The following TAMM41 variants were observed in gnomAD, a reference collection of about 807,000 sequenced individuals.
TAMM41 encodes the protein phosphatidate cytidylyltransferase, mitochondrial.
TAMM41 carries 36 observed loss-of-function variants against 44.1 expected under a neutral mutation model. That is an observed-to-expected ratio of 0.82 (90% CI 0.63 to 1.08). The LOEUF (loss-of-function observed/expected upper bound fraction) is 1.08. TAMM41 is among the 50% of genes least tolerant of loss of function. The pLI, the probability that TAMM41 is intolerant of heterozygous loss-of-function variation, is 0.00. For synonymous variants in TAMM41, 164 were observed against 153.1 expected, an observed-to-expected ratio of 1.07 and a Z score of -0.53; for missense variants, 417 against 404.3, an observed-to-expected ratio of 1.03 and a Z score of -0.27.
intron 2 of TAMM41, among the ~76,000 whole-genome samples, chr3:11,840,502 T>A (rs2079388512): frequency 6.6e-6 from 1 of 152,066 alleles, no homozygotes; most frequent in South Asian, 2.1e-4. Context: ...CCAAAAGTGT[T>A]GGGATTACAG....
intron 5 of TAMM41, among the ~76,000 whole-genome samples, chr3:11,815,609 T>C (rs770261610): frequency 6.6e-6 from 1 of 151,986 alleles, no homozygotes; most frequent in Non-Finnish European, 1.5e-5. Context: ...ACAAAAAATA[T>C]GAAGTAACTT....
At chr3:11,844,362 AAT>A in intron 1 of TAMM41, 151 bp from the exon 2 acceptor site, 1 of 679,040 alleles carries the variant, frequency 1.5e-6, no homozygotes, top group Non-Finnish European at 2.4e-6. Flanking sequence ...CTCTGGAACA[AAT>A]ATGAGCTTTG....
chr3:11,760,546 TG>T, the TAMM41 span, among the ~76,000 whole-genome samples: 8 of 140,604 alleles, frequency 5.7e-5, no homozygotes, highest in Non-Finnish European at 1.2e-4. Context: ...TACAATTTTT[TG>T]TTTTGTTTTG....
chr3:11,810,650 G>GA (rs1458266737), intron 5 of TAMM41: 3 of 152,128 alleles, frequency 2.0e-5, no homozygotes, highest in African/African-American at 7.2e-5. Flanking sequence ...AGAAGAGTAA[G>GA]AAAAAATCAG....
chr3:11,762,710 T>C, the TAMM41 span, among the ~76,000 whole-genome samples: 3 of 152,206 alleles, frequency 2.0e-5, no homozygotes, highest in African/African-American at 7.2e-5. Context: ...ACAAACATCA[T>C]GGCCAAAGAA....
chr3:11,761,246 G>A, the TAMM41 span, among the ~76,000 whole-genome samples: 2 of 151,552 alleles, frequency 1.3e-5, no homozygotes, highest in Non-Finnish European at 2.9e-5. Context: ...CTTGATTGCT[G>A]ATTTTGTTTG....
chr3:11,764,153 G>A, the TAMM41 span, among the ~76,000 whole-genome samples: 10 of 151,962 alleles, frequency 6.6e-5, no homozygotes, highest in African/African-American at 2.2e-4. Context: ...ACAGGTGCAC[G>A]CCACCATGCC....
intron 7 of TAMM41, 110 bp downstream of exon 7, chr3:11,807,722 AG>A: frequency 6.5e-7 from 1 of 1,536,220 alleles, no homozygotes. Flanking sequence ...TGGCCATCAA[AG>A]CTCAGCATTT....
At chr3:11,801,859 G>T (rs939992914) in intron 7 of TAMM41, among the ~76,000 whole-genome samples, 1 of 151,998 alleles carries the variant, frequency 6.6e-6, no homozygotes, top group African/African-American at 2.4e-5. Flanking sequence ...CAGAAGAAAA[G>T]AAATAACAAA....
chr3:11,742,345 A>C, the TAMM41 span, among the ~76,000 whole-genome samples: 3 of 150,354 alleles, frequency 2.0e-5, no homozygotes, highest in Non-Finnish European at 4.4e-5. Context: ...TACAGTATGC[A>C]ACCTTATAGG....
At chr3:11,724,411 A>T in the TAMM41 span, among the ~76,000 whole-genome samples, 2 of 88,826 alleles carry the variant, frequency 2.3e-5, no homozygotes, top group South Asian at 3.8e-4. Flanking sequence ...CCTATTTTTT[A>T]TTTTTATTTT....
At chr3:11,749,606 C>T in the TAMM41 span, among the ~76,000 whole-genome samples, 1 of 152,170 alleles carries the variant, frequency 6.6e-6, no homozygotes, top group African/African-American at 2.4e-5. Context: ...GTGTTCAACA[C>T]AAATCAATTC....
intron 5 of TAMM41, among the ~76,000 whole-genome samples, chr3:11,812,623 ATTAACT>A (rs1389144874): frequency 9.2e-5 from 14 of 152,186 alleles, no homozygotes; most frequent in East Asian, 5.8e-4. Flanking sequence ...TAAGCATCCC[ATTAACT>A]TTAAGTTACG....
At chr3:11,841,576 T>C (rs1321414307) in intron 2 of TAMM41, among the ~76,000 whole-genome samples, 1 of 152,248 alleles carries the variant, frequency 6.6e-6, no homozygotes. Flanking sequence ...CATATAATTA[T>C]GCCCAAACAT....
chr3:11,767,695 A>T, the TAMM41 span, among the ~76,000 whole-genome samples: 76 of 128,362 alleles, frequency 5.9e-4, no homozygotes, highest in African/African-American at 2.3e-3. Flanking sequence ...GTGCAATCTA[A>T]GCTCACTGCA....
the TAMM41 span, among the ~76,000 whole-genome samples, chr3:11,736,181 C>T: frequency 2.6e-5 from 4 of 152,112 alleles, no homozygotes; most frequent in Admixed American, 1.3e-4. Context: ...AAAGGGTAAC[C>T]GTCTCATAAT....
chr3:11,813,555 C>T (rs1474569848), intron 5 of TAMM41, among the ~76,000 whole-genome samples: 1 of 152,012 alleles, frequency 6.6e-6, no homozygotes, highest in African/African-American at 2.4e-5. Context: ...AACAAAATAG[C>T]TAGGTCTTTG....
chr3:11,840,319 G>A (rs145363542), intron 2 of TAMM41, among the ~76,000 whole-genome samples: 3,688 of 150,912 alleles, frequency 0.024, 144 homozygotes, highest in African/African-American at 0.084. Context: ...CACAACCTCC[G>A]CCTCCTGGGT....
the TAMM41 span, among the ~76,000 whole-genome samples, chr3:11,754,852 C>T: frequency 6.6e-6 from 1 of 151,830 alleles, no homozygotes; most frequent in African/African-American, 2.4e-5. Flanking sequence ...GCATGAGCCA[C>T]CATGCCCGGC....
Sources: gnomAD v4.1 joint callset for allele counts (sites outside exome capture counted in the v4.1 genomes callset) on GRCh38, gnomAD v4.1.1 for gene constraint, MANE v1.5 for transcripts, NCBI Gene and HGNC (gene_info 2026-07-23, HGNC 2026-07-21) for gene names.